The following NAA15 variants were observed in gnomAD, a reference collection of about 807,000 sequenced individuals.
NAA15 encodes the protein N-alpha-acetyltransferase 15, NatA auxiliary subunit.
A neutral mutation model predicts 114.0 loss-of-function variants in NAA15; 34 were observed. That is an observed-to-expected ratio of 0.30 (90% CI 0.23 to 0.40). NAA15 has a LOEUF of 0.40. Ranked by LOEUF, NAA15 falls within the 10% of genes least tolerant of loss-of-function variation. NAA15 has a pLI of 1.00. For synonymous variants in NAA15, 340 were observed against 338.0 expected (o/e 1.01, Z -0.06); for missense variants, 658 against 1,004.5 (o/e 0.66, Z 4.66).
intron 14 of NAA15, among the ~76,000 whole-genome samples, chr4:139,369,777 A>ACATT (rs1401565097): frequency 2.7e-5 from 4 of 149,782 alleles, no homozygotes; most frequent in African/African-American, 9.8e-5. Context: ...ACATATGGGG[A>ACATT]CATTTACATC....
At chr4:139,364,617 G>A (rs1748226696) in intron 14 of NAA15, among the ~76,000 whole-genome samples, 1 of 152,014 alleles carries the variant, frequency 6.6e-6, no homozygotes. Context: ...ATGGTTTCTT[G>A]GTCTAACATA....
In NAA15 at chr4:139,376,352, T is replaced by C. The variant is rs1408902313; in HGVS notation, c.1948-13T>C. The C allele has an allele frequency of 1.3e-6, 2 of 1,488,368 alleles. No homozygotes were observed. The highest frequency in any genetic ancestry group is 2.3e-5 in the East Asian group (1 of 44,224). 92.2% of individuals were successfully genotyped at this position (1,488,368 alleles called of 1,614,324 possible). On this transcript the variant is annotated splice_polypyrimidine_tract_variant and intron_variant, in intron 15 of 19. Transcript: ENST00000296543. ...CTTAGTTTCATTTGTATAATATCTT[T>C]TATTTTTGTTAGGTTGAAACTCCAT...
At chr4:139,356,718 AT>A (rs1231506498) in intron 10 of NAA15, 1 of 152,134 alleles carries the variant, frequency 6.6e-6, no homozygotes, top group Admixed American at 6.5e-5. Flanking sequence ...TTAAAAAAGA[AT>A]TTTTTAACGT....
chr4:139,346,095 G>A (rs1262520722), intron 6 of NAA15, among the ~76,000 whole-genome samples: 1 of 152,124 alleles, frequency 6.6e-6, no homozygotes, highest in Non-Finnish European at 1.5e-5. Context: ...TGCTGACTGG[G>A]GAGTGATCCA....
In NAA15 at chr4:139,376,372, C is replaced by A. The variant is rs1240301388; in HGVS notation, c.1955C>A (p.Thr652Asn). The A allele has an allele frequency of 1.9e-6, 3 of 1,592,768 alleles. No homozygotes were observed. The highest frequency in any genetic ancestry group is 2.6e-6 in the Non-Finnish European group (3 of 1,161,524). Residue 652 changes from threonine (T) to asparagine (N), a missense_variant, in exon 16 of 20, where the codon ACT becomes AAT. By Grantham distance (65) the Thr-to-Asn change is moderately conservative (BLOSUM62 0). This residue lies in a region of NAA15 where 275 missense variants were observed against 371.1 expected (regional missense o/e 0.74). Coordinates refer to ENST00000296543, the MANE Select transcript of NAA15 (RefSeq NM_057175.5). ...ATCTTTTATTTTTGTTAGGTTGAAA[C>A]TCCATTGGAAGAAGCTATTAAATTT... The part of the protein sequence containing the change: ...LIPEKLAKVE[T>N]PLEEAIKFLT...
At chr4:139,365,308 G>A (rs1417201131) in intron 14 of NAA15, among the ~76,000 whole-genome samples, 2 of 152,098 alleles carry the variant, frequency 1.3e-5, no homozygotes, top group Admixed American at 6.5e-5. Flanking sequence ...AAAGTGCTGG[G>A]ATTACAGGTG....
chr4:139,357,694 T>C, intron 11 of NAA15, 139 bp downstream of exon 11: 1 of 622,712 alleles, frequency 1.6e-6, no homozygotes, highest in Non-Finnish European at 2.7e-6. Flanking sequence ...ATAGTACATT[T>C]CTCAGTCCAA....
chr4:139,348,311 A>T (rs1747662238), intron 6 of NAA15, among the ~76,000 whole-genome samples: 1 of 151,874 alleles, frequency 6.6e-6, no homozygotes, highest in Non-Finnish European at 1.5e-5. Context: ...AAAATTATCC[A>T]GGCATGGTGG....
chr4:139,317,339 G>A (rs1284071201), intron 1 of NAA15, among the ~76,000 whole-genome samples: 1 of 148,584 alleles, frequency 6.7e-6, no homozygotes, highest in Admixed American at 6.7e-5. Context: ...TTAGAGGATC[G>A]TGGGCCGGGC....
At chr4:139,360,999 T>TA (rs1748116627) in intron 13 of NAA15, among the ~76,000 whole-genome samples, 2 of 152,198 alleles carry the variant, frequency 1.3e-5, no homozygotes, top group Admixed American at 6.5e-5. Flanking sequence ...CTTGGTAAGA[T>TA]ATAAATGTTG....
chr4:139,311,010 T>A (rs1397909126), intron 1 of NAA15, among the ~76,000 whole-genome samples: 1 of 150,722 alleles, frequency 6.6e-6, no homozygotes, highest in African/African-American at 2.4e-5. Context: ...CTGCAACCTC[T>A]GTCTCCTGGG....
intron 6 of NAA15, among the ~76,000 whole-genome samples, 162 bp from the exon 7 acceptor site, chr4:139,349,300 C>T (rs1747701397): frequency 6.6e-6 from 1 of 152,114 alleles, no homozygotes; most frequent in South Asian, 2.1e-4. Context: ...GAGACCATAA[C>T]ATAACTTGGT....
chr4:139,325,034 A>T (rs182526290), intron 1 of NAA15, among the ~76,000 whole-genome samples: 2 of 152,274 alleles, frequency 1.3e-5, no homozygotes, highest in African/African-American at 4.8e-5. Context: ...AATCATTAGG[A>T]TCTAAAACTC....
intron 17 of NAA15, among the ~76,000 whole-genome samples, chr4:139,380,261 G>C (rs527885648): frequency 2.6e-4 from 38 of 145,808 alleles, no homozygotes; most frequent in Middle Eastern, 3.5e-3. Context: ...GTTTTTTTGG[G>C]GGGGGGGAGT....
At chr4:139,304,108 C>T (rs1251633493) in intron 1 of NAA15, among the ~76,000 whole-genome samples, 2 of 152,146 alleles carry the variant, frequency 1.3e-5, no homozygotes, top group African/African-American at 2.4e-5. Flanking sequence ...TTAGTAGAGA[C>T]GGGGTTTCAC....
intron 1 of NAA15, among the ~76,000 whole-genome samples, chr4:139,332,733 C>T (rs893596203): frequency 1.3e-5 from 2 of 151,620 alleles, no homozygotes; most frequent in Admixed American, 6.6e-5. Context: ...CAGGTGGCGC[C>T]AGCAGGCCTG....
chr4:139,375,935 G>T (rs1425286453), intron 15 of NAA15, among the ~76,000 whole-genome samples: 1 of 152,084 alleles, frequency 6.6e-6, no homozygotes, highest in East Asian at 1.9e-4. Flanking sequence ...AATGGATAGT[G>T]TAGTATTTTG....
intron 18 of NAA15, 130 bp from the exon 19 acceptor site, chr4:139,386,003 T>A (rs1748900411): frequency 1.9e-6 from 1 of 523,306 alleles, no homozygotes; most frequent in Non-Finnish European, 3.4e-6. Context: ...CTCAAGTAGC[T>A]GTTCCCATTC....
At chr4:139,375,491 A>C (rs776637869) in intron 15 of NAA15, among the ~76,000 whole-genome samples, 3 of 151,564 alleles carry the variant, frequency 2.0e-5, no homozygotes, top group Non-Finnish European at 4.4e-5. Context: ...CAGTGAAACA[A>C]TTTTCTTGCC....
Sources: allele counts gnomAD v4.1 joint callset (sites outside exome capture counted in the v4.1 genomes callset), GRCh38; gene constraint gnomAD v4.1.1; regional missense constraint gnomAD v4.1.1; transcripts MANE v1.5; gene names NCBI Gene and HGNC (gene_info 2026-07-23, HGNC 2026-07-21).